EN2: variants seen among roughly 807,000 people sequenced by gnomAD.
EN2 encodes the protein engrailed homeobox 2, also known as homeobox protein engrailed-2.
EN2 carries 7 observed loss-of-function variants against 25.0 expected under a neutral mutation model. That is an observed-to-expected ratio of 0.28 (90% confidence interval 0.16 to 0.53). EN2 has a LOEUF of 0.53. Among genes scored for constraint, EN2 ranks in the 20% least tolerant of loss-of-function variants. The pLI is 0.96. For synonymous variants in EN2, 277 were observed against 243.3 expected (o/e 1.14, Z -1.29); for missense variants, 524 against 501.8 (o/e 1.04, Z -0.42).
rs1269961636 is a variant in EN2 at position 155,463,448 on chromosome 7, GCTC to G, written c.*767_*769del. On this transcript the variant is annotated 3_prime_UTR_variant, in exon 2 of 2. Transcript: ENST00000297375. ...CTCTTCCTCCTTCCTCCTTCCTCCT[GCTC>G]CTCCTTTCTTCTTCTTTTTCTTCTC... The G allele has an allele frequency of 1.3e-5, 2 of 152,324 alleles. No individual in the cohort carries two copies. The highest frequency in any genetic ancestry group is 2.9e-5 in the Non-Finnish European group (2 of 68,576). 9.4% of individuals were successfully genotyped at this position (152,324 alleles called of 1,614,324 possible).
chr7:155,460,603 G>A (rs1795683857), intron 1 of EN2, among the ~76,000 whole-genome samples: 1 of 152,214 alleles, frequency 6.6e-6, no homozygotes, highest in Non-Finnish European at 1.5e-5. Context: ...AGAGCCCCAG[G>A]ACCAGAAGAG....
chr7:155,462,404 C>G lies in EN2; in HGVS notation c.719C>G (p.Pro240Arg), dbSNP rs746689772. Reference protein sequence around the residue: ...PRSRKPKKKNPNKEDKRPRTA... With the variant: ...PRSRKPKKKNRNKEDKRPRTA... The stretch of plus-strand genomic sequence containing the variant: ...TCTCGAAAACCAAAGAAGAAGAACC[C>G]GAACAAAGAGGACAAGCGGCCGCGC... Residue 240 changes from proline to arginine, a missense_variant, in exon 2 of 2, where the codon CCG becomes CGG. By Grantham distance (103) the Pro-to-Arg change is moderately radical. Coordinates refer to ENST00000297375, the MANE Select transcript of EN2 (RefSeq NM_001427.4). The G allele has an allele frequency of 3.7e-6, 6 of 1,612,008 alleles. No homozygotes were observed. The highest frequency in any genetic ancestry group is 5.1e-6 in the Non-Finnish European group (6 of 1,179,578).
Position 155,459,468 on chromosome 7 carries a change from T to G in EN2, c.685+406T>G, listed in dbSNP as rs1056389699. Among the ~76,000 whole-genome samples the G allele has an allele frequency of 7.2e-5, 11 of 152,164 alleles. No homozygotes were observed. The South Asian group carries it at 2.3e-3, about 31-fold the overall frequency. On this transcript the variant is annotated intron_variant, in intron 1 of 1. Coordinates refer to ENST00000297375, the MANE Select transcript of EN2 (RefSeq NM_001427.4). ...AAGATGGGCCCGGAAGTGCACACTC[T>G]CATCCCCTTCCCTACGATCTTCCAA...
chr7:155,460,764 C>A (rs1313667744), intron 1 of EN2, among the ~76,000 whole-genome samples: 1 of 152,156 alleles, frequency 6.6e-6, no homozygotes, highest in Non-Finnish European at 1.5e-5. Context: ...TCTGCACCTA[C>A]CCCTACCAAA....
In EN2 at chr7:155,458,590, C is replaced by A; in HGVS notation, c.213C>A (p.Ile71=). The A allele has an allele frequency of 6.8e-7, 1 of 1,478,996 alleles. No individual in the cohort carries two copies. Among genetic ancestry groups the A allele is most frequent in the South Asian group, 1.4e-5 (1 of 73,856 alleles). 91.6% of individuals were successfully genotyped at this position (1,478,996 alleles called of 1,614,324 possible). The change falls in exon 1 of 2, where the codon ATC becomes ATA. Residue 71 remains isoleucine (I), a synonymous_variant. Transcript: ENST00000297375. ...CGCACCGCATCACCAACTTCTTCAT[C>A]GACAACATCCTGCGGCCCGAGTTCG... The part of the protein sequence containing the change: ...QHPHRITNFF[I]DNILRPEFGR...
chr7:155,458,831 G>C lies in EN2; in HGVS notation c.454G>C (p.Gly152Arg). Residue 152 changes from glycine to arginine, a missense_variant, in exon 1 of 2, where the codon GGT becomes CGT. Gly to Arg is a moderately radical substitution (Grantham distance 125). Transcript: ENST00000297375. ...CCCAGCCGCCGGCAGCGACTCTCCGGGTGACGGGGAAGGCGGCTCCAAGAC... is the reference window on the plus strand; with the variant it reads ...CCCAGCCGCCGGCAGCGACTCTCCGCGTGACGGGGAAGGCGGCTCCAAGAC... ...PLPAAGSDSP[G>R]DGEGGSKTLS... 1.4e-6 allele frequency: 2 copies of C among 1,460,134 alleles called. No individual in the cohort carries two copies. Among genetic ancestry groups the C allele is most frequent in the East Asian group, 5.8e-5 (2 of 34,196 alleles). 90.4% of individuals were successfully genotyped at this position (1,460,134 alleles called of 1,614,324 possible).
rs1347292802 is a variant in EN2 at position 155,464,540 on chromosome 7, T to C, written c.*1853T>C. 1 of 152,680 alleles carries C rather than the reference T, an allele frequency of 6.5e-6. No homozygotes were observed. Among genetic ancestry groups the C allele is most frequent in the Non-Finnish European group, 1.5e-5 (1 of 68,044 alleles). The allele number at this position is 152,680 out of a possible 1,614,324, so 9.5% of individuals were successfully genotyped here. A position where few individuals can be genotyped will look rare whatever the true frequency, so the allele number is the denominator to read the frequency against. ...AAAGTATAAAAACAAAAGTTGTAAT[T>C]TAAAAGTCTGAATAACCATCTGCTG... On this transcript the variant is annotated 3_prime_UTR_variant, in exon 2 of 2. Coordinates refer to ENST00000297375, the MANE Select transcript of EN2 (RefSeq NM_001427.4).
In EN2 at chr7:155,459,045, C is replaced by T. The variant is rs1795664782; in HGVS notation, c.668C>T (p.Ser223Leu). The T allele has an allele frequency of 6.3e-7, 1 of 1,580,142 alleles. No homozygotes were observed. The highest frequency in any genetic ancestry group is 8.5e-7 in the Non-Finnish European group (1 of 1,172,052). ...WPAWVYCTRY[S>L]DRPSSGPRSR... ...GCGTGGGTCTACTGTACGCGCTACT[C>T]GGACCGGCCTTCTTCAGGTGAGCCC... Residue 223 changes from serine to leucine, a missense_variant, in exon 1 of 2, where the codon TCG becomes TTG. Transcript: ENST00000297375.
In EN2 at chr7:155,459,966, T is replaced by G. The variant is rs547012830; in HGVS notation, c.685+904T>G. Among the ~76,000 whole-genome samples the G allele has an allele frequency of 9.2e-5, 14 of 152,346 alleles. No homozygotes were observed. The East Asian group carries it at 2.5e-3, about 27-fold the overall frequency. Reference sequence around the variant, plus strand: ...TCATCAACTGCATTCCATGCGGGTCTGCGGCTGGGAACCGCCATTAGAAGT... The same window carrying G: ...TCATCAACTGCATTCCATGCGGGTCGGCGGCTGGGAACCGCCATTAGAAGT... On this transcript the variant is annotated intron_variant, in intron 1 of 1. Coordinates refer to ENST00000297375, the MANE Select transcript of EN2 (RefSeq NM_001427.4).
rs759469005 is a variant in EN2, at chr7:155,459,011, C to T, written c.634C>T (p.Leu212Phe). 6.4e-7 allele frequency: 1 copy of T among 1,573,624 alleles called. No homozygotes were observed. The highest frequency in any genetic ancestry group is 1.7e-5 in the Admixed American group (1 of 57,752). ...AGANLGAQPMLWPAWVYCTRY... is the reference protein window; with the variant it reads ...AGANLGAQPMFWPAWVYCTRY... ...CGCCAACCTGGGCGCGCAGCCCATG[C>T]TCTGGCCGGCGTGGGTCTACTGTAC... Residue 212 changes from leucine to phenylalanine, a missense_variant, in exon 1 of 2, where the codon CTC becomes TTC. By Grantham distance (22) the Leu-to-Phe change is conservative (BLOSUM62 0). Coordinates refer to ENST00000297375, the MANE Select transcript of EN2 (RefSeq NM_001427.4).
chr7:155,458,793 C>A lies in EN2; in HGVS notation c.416C>A (p.Ala139Glu). 1 of 1,391,856 alleles carries A rather than the reference C, an allele frequency of 7.2e-7. No individual in the cohort carries two copies. The highest frequency in any genetic ancestry group is 9.2e-7 in the Non-Finnish European group (1 of 1,085,052). The allele number at this position is 1,391,856 out of a possible 1,614,324, so 86.2% of individuals were successfully genotyped here. The change falls in exon 1 of 2, where the codon GCG becomes GAG. Residue 139 changes from alanine (A) to glutamate (E), a missense_variant. By Grantham distance (107) the Ala-to-Glu change is moderately radical. Transcript: ENST00000297375. Reference protein sequence around the residue: ...PRQNPPCAPGAGGPLPAAGSD... With the variant: ...PRQNPPCAPGEGGPLPAAGSD... Reference sequence around the variant, plus strand: ...CAGAACCCGCCATGTGCGCCCGGCGCGGGCGGGCCGCTCCCAGCCGCCGGC... The same window carrying A: ...CAGAACCCGCCATGTGCGCCCGGCGAGGGCGGGCCGCTCCCAGCCGCCGGC...
rs1378665831 is a variant in EN2 at position 155,462,538 on chromosome 7, G to A, written c.853G>A (p.Glu285Lys). The change falls in exon 2 of 2, where the codon GAG (glutamate) becomes AAG (lysine). Residue 285 changes from glutamate (E) to lysine (K), a missense_variant. By Grantham distance (56) the Glu-to-Lys change is moderately conservative. Transcript: ENST00000297375. ...CCTGGCGCAGGAGCTGAGCCTCAAC[G>A]AGTCACAGATCAAGATTTGGTTCCA... Reference protein sequence around the residue: ...QSLAQELSLNESQIKIWFQNK... With the variant: ...QSLAQELSLNKSQIKIWFQNK... 1 of 1,614,188 alleles carries A rather than the reference G, an allele frequency of 6.2e-7. No individual in the cohort carries two copies. The highest frequency in any genetic ancestry group is 1.1e-5 in the South Asian group (1 of 91,070).
intron 1 of EN2, among the ~76,000 whole-genome samples, chr7:155,460,299 G>A (rs1795680419): frequency 6.6e-6 from 1 of 152,204 alleles, no homozygotes. Flanking sequence ...AACGGCCCGG[G>A]AGCTGGGCAG....
chr7:155,462,298 T>G, intron 1 of EN2, 73 bp from the exon 2 acceptor site: 1 of 1,511,540 alleles, frequency 6.6e-7, no homozygotes, highest in Non-Finnish European at 8.8e-7. Context: ...GGCCCCAGAA[T>G]CCTTACCCGG....
At chr7:155,462,314 A>G in intron 1 of EN2, 57 bp from the exon 2 acceptor site, 1 of 1,534,542 alleles carries the variant, frequency 6.5e-7, no homozygotes, top group African/African-American at 1.4e-5. Flanking sequence ...CCCGGTGCCT[A>G]TTGGGTGGCA....
Position 155,458,439 on chromosome 7 carries a change from C to T in EN2, c.62C>T (p.Pro21Leu), listed in dbSNP as rs1279016101. ...GCGGCGGTGGAGGGACAGCGGCAGC[C>T]GGAATCCAGCCCCGGCGGCGGCTCG... ...AAAAVEGQRQ[P>L]ESSPGGGSGG... Residue 21 changes from proline to leucine, a missense_variant, in exon 1 of 2, where the codon CCG (proline) becomes CTG (leucine). Coordinates refer to ENST00000297375, the MANE Select transcript of EN2 (RefSeq NM_001427.4). 2.3e-6 allele frequency: 3 copies of T among 1,303,496 alleles called. No homozygotes were observed. The highest frequency in any genetic ancestry group is 1.5e-5 in the African/African-American group (1 of 64,780). 80.7% of individuals were successfully genotyped at this position (1,303,496 alleles called of 1,614,324 possible).
rs1427318595 is a variant in EN2 at position 155,462,778 on chromosome 7, C to T, written c.*91C>T. ...GGCCAGTGTATAAAGATTATACCAG[C>T]ATTAATAGTGAAAATATTGTGTATT... On this transcript the variant is annotated 3_prime_UTR_variant, in exon 2 of 2. Coordinates refer to ENST00000297375, the MANE Select transcript of EN2 (RefSeq NM_001427.4). 11 of 1,339,978 alleles carry T rather than the reference C, an allele frequency of 8.2e-6. No individual in the cohort carries two copies. Among genetic ancestry groups the T allele is most frequent in the Non-Finnish European group, 1.1e-5 (11 of 1,003,988 alleles). 83.0% of individuals were successfully genotyped at this position (1,339,978 alleles called of 1,614,324 possible).
Position 155,458,242 on chromosome 7 carries a change from C to A in EN2, c.-136C>A. On this transcript the variant is annotated 5_prime_UTR_variant, in exon 1 of 2. Transcript: ENST00000297375. ...GCGACTTGTAGGACCTCAGCCCTGG[C>A]CGCGGCCGCCGCGCACGCCCTCGGA... 8.4e-7 allele frequency: 1 copy of A among 1,183,984 alleles called. No homozygotes were observed. The highest frequency in any genetic ancestry group is 1.1e-6 in the Non-Finnish European group (1 of 933,970). 73.3% of individuals were successfully genotyped at this position (1,183,984 alleles called of 1,614,324 possible). A position where few individuals can be genotyped will look rare whatever the true frequency, so the allele number is the denominator to read the frequency against.
rs1333934772 is a variant in EN2 at position 155,458,192 on chromosome 7, GGT to G, written c.-184_-183del. ...TTCTAACCCAGTTCGTGGATTCAAA[GGT>G]GGCTCCGCGCCGAGCGCGGCCGGCG... On this transcript the variant is annotated 5_prime_UTR_variant, in exon 1 of 2. Coordinates refer to ENST00000297375, the MANE Select transcript of EN2 (RefSeq NM_001427.4). The G allele has an allele frequency of 1.4e-6, 1 of 691,002 alleles. No homozygotes were observed. The highest frequency in any genetic ancestry group is 3.5e-5 in the East Asian group (1 of 28,402). The allele number at this position is 691,002 out of a possible 1,614,324, so 42.8% of individuals were successfully genotyped here.
Sources: gnomAD v4.1 joint callset for allele counts (sites outside exome capture counted in the v4.1 genomes callset) on GRCh38, gnomAD v4.1.1 for gene constraint, MANE v1.5 for transcripts, NCBI Gene and HGNC (gene_info 2026-07-23, HGNC 2026-07-21) for gene names.